The following SEMA3A variants were observed in gnomAD, a reference collection of about 807,000 sequenced individuals.
The protein encoded by SEMA3A is semaphorin-3A.
SEMA3A carries 29 observed loss-of-function variants against 97.9 expected under a neutral mutation model. The ratio of observed to expected loss-of-function variants is 0.30; its 90% CI spans 0.22 to 0.40. SEMA3A has a LOEUF of 0.40. Ranked by LOEUF, SEMA3A falls within the 10% of genes least tolerant of loss-of-function variation. SEMA3A has a pLI of 1.00. For synonymous variants in SEMA3A, 321 were observed against 323.7 expected, an observed-to-expected ratio of 0.99 and a Z score of 0.09; for missense variants, 763 against 951.3, an observed-to-expected ratio of 0.80 and a Z score of 2.60.
intron 4 of SEMA3A, among the ~76,000 whole-genome samples, chr7:84,089,478 T>G (rs1317806170): frequency 6.6e-6 from 1 of 151,288 alleles, no homozygotes. Context: ...GTGTTAAAAT[T>G]ATTGATTTTA....
intron 3 of SEMA3A, among the ~76,000 whole-genome samples, chr7:84,214,697 C>CTTTT (rs754365106): frequency 3.1e-5 from 4 of 130,986 alleles, no homozygotes; most frequent in Non-Finnish European, 6.5e-5. Context: ...TTAGAGCTTA[C>CTTTT]TTTTTTTTTT....
At chr7:84,367,084 A>G (rs1695405761) in intron 2 of SEMA3A, among the ~76,000 whole-genome samples, 1 of 151,354 alleles carries the variant, frequency 6.6e-6, no homozygotes, top group Non-Finnish European at 1.5e-5. Flanking sequence ...ATGTCTCTGA[A>G]TCTGATTCAT....
intron 1 of SEMA3A, among the ~76,000 whole-genome samples, chr7:84,165,784 C>T (rs1370662730): frequency 2.0e-5 from 3 of 152,130 alleles, no homozygotes; most frequent in African/African-American, 4.8e-5. Flanking sequence ...AACTCCTGAC[C>T]TCAAGTGATC....
At chr7:84,206,548 T>C (rs1375894117) in intron 3 of SEMA3A, among the ~76,000 whole-genome samples, 1 of 152,096 alleles carries the variant, frequency 6.6e-6, no homozygotes, top group African/African-American at 2.4e-5. Context: ...GGTTGCGATC[T>C]CCTGACCTCG....
At chr7:84,301,652 G>T (rs1227893696) in intron 3 of SEMA3A, among the ~76,000 whole-genome samples, 3 of 152,064 alleles carry the variant, frequency 2.0e-5, no homozygotes, top group Admixed American at 6.6e-5. Context: ...TGCTTTGAAG[G>T]CCATAAGGTC....
intron 1 of SEMA3A, among the ~76,000 whole-genome samples, chr7:84,170,891 G>A (rs1044953422): frequency 1.3e-5 from 2 of 152,034 alleles, no homozygotes; most frequent in African/African-American, 4.8e-5. Flanking sequence ...TAGTAAGTGT[G>A]CATTTTTATA....
intron 11 of SEMA3A, among the ~76,000 whole-genome samples, chr7:84,003,706 A>C (rs998619659): frequency 6.6e-6 from 1 of 152,176 alleles, no homozygotes; most frequent in Admixed American, 6.5e-5. Flanking sequence ...GAAAAAGGCA[A>C]GTGTGACATG....
chr7:84,001,116 T>C (rs1351907737), intron 12 of SEMA3A, among the ~76,000 whole-genome samples: 1 of 152,076 alleles, frequency 6.6e-6, no homozygotes, highest in Non-Finnish European at 1.5e-5. Flanking sequence ...GTTTGCTCTA[T>C]TCTTTTATCA....
chr7:83,984,639 C>T (rs1259672094), intron 13 of SEMA3A, among the ~76,000 whole-genome samples: 1 of 89,744 alleles, frequency 1.1e-5, no homozygotes, highest in Non-Finnish European at 2.1e-5. Flanking sequence ...TTTGAAGTTA[C>T]CATTGATATA....
intron 12 of SEMA3A, among the ~76,000 whole-genome samples, chr7:84,000,226 T>C (rs1268514724): frequency 6.6e-6 from 1 of 152,112 alleles, no homozygotes; most frequent in African/African-American, 2.4e-5. Context: ...TAAGATAAAG[T>C]ACCAATGTGT....
At chr7:84,152,939 A>G (rs1045667095) in intron 1 of SEMA3A, among the ~76,000 whole-genome samples, 2 of 152,142 alleles carry the variant, frequency 1.3e-5, no homozygotes. Flanking sequence ...AGCTTTTCCC[A>G]ATTATAACTG....
At chr7:84,395,722 G>T (rs1056122819) in intron 1 of SEMA3A, among the ~76,000 whole-genome samples, 1 of 152,046 alleles carries the variant, frequency 6.6e-6, no homozygotes, top group Admixed American at 6.6e-5. Context: ...TCTTCCTGCT[G>T]CCCTTTGAAG....
At chr7:84,240,274 A>G (rs1194409254) in intron 3 of SEMA3A, among the ~76,000 whole-genome samples, 1 of 152,196 alleles carries the variant, frequency 6.6e-6, no homozygotes, top group Non-Finnish European at 1.5e-5. Context: ...CCACTCAAAG[A>G]TCTTTAATGC....
intron 15 of SEMA3A, among the ~76,000 whole-genome samples, chr7:83,967,972 A>G (rs1005955467): frequency 1.3e-5 from 2 of 152,154 alleles, no homozygotes; most frequent in Non-Finnish European, 2.9e-5. Flanking sequence ...TGAAATATAT[A>G]CTACTTTATT....
chr7:84,233,967 C>T (rs546041780), intron 3 of SEMA3A, among the ~76,000 whole-genome samples: 1 of 151,492 alleles, frequency 6.6e-6, no homozygotes, highest in East Asian at 2.0e-4. Context: ...CTAACCGATG[C>T]TCTATACTAA....
chr7:84,205,742 CAT>C (rs1798477081), intron 3 of SEMA3A, among the ~76,000 whole-genome samples: 1 of 152,088 alleles, frequency 6.6e-6, no homozygotes, highest in Non-Finnish European at 1.5e-5. Context: ...TTTAAAGAAT[CAT>C]GTTTTATAAC....
At chr7:84,251,753 G>T (rs1339220975) in intron 3 of SEMA3A, among the ~76,000 whole-genome samples, 1 of 152,080 alleles carries the variant, frequency 6.6e-6, no homozygotes, top group Non-Finnish European at 1.5e-5. Flanking sequence ...GATTTCCTGG[G>T]TCACTGAATC....
chr7:83,979,346 C>T (rs1438137518), intron 14 of SEMA3A, among the ~76,000 whole-genome samples: 1 of 152,090 alleles, frequency 6.6e-6, no homozygotes, highest in Non-Finnish European at 1.5e-5. Flanking sequence ...GCTGGCCAGG[C>T]TGGTCTCAAA....
chr7:84,153,060 T>A (rs940386084), intron 1 of SEMA3A, among the ~76,000 whole-genome samples: 1 of 152,168 alleles, frequency 6.6e-6, no homozygotes, highest in Non-Finnish European at 1.5e-5. Context: ...CTGAGTTTGT[T>A]TGATGATCTT....
Sources: allele counts gnomAD v4.1 joint callset (sites outside exome capture counted in the v4.1 genomes callset), GRCh38; gene constraint gnomAD v4.1.1; transcripts MANE v1.5; gene names NCBI Gene and HGNC (gene_info 2026-07-23, HGNC 2026-07-21).